The following MMP26 variants were observed in gnomAD, a reference collection of about 807,000 sequenced individuals.
MMP26 encodes matrix metallopeptidase 26.
A neutral mutation model predicts 31.0 loss-of-function variants in MMP26; 33 were observed. The ratio of observed to expected loss-of-function variants is 1.06; its 90% confidence interval spans 0.81 to 1.42. The LOEUF (loss-of-function observed/expected upper bound fraction) is 1.42, where lower values mean the gene tolerates loss of function less well. MMP26 is among the 40% of genes most tolerant of loss of function. The pLI, the probability that MMP26 is intolerant of heterozygous loss-of-function variation, is 0.00. For missense variants in MMP26, 347 were observed against 316.1 expected, an observed-to-expected ratio of 1.10 and a Z score of -0.74; for synonymous variants, 122 against 114.9, an observed-to-expected ratio of 1.06 and a Z score of -0.40.
At chr11:4,964,379 C>T (rs890947197) in intron 2 of MMP26, among the ~76,000 whole-genome samples, 1 of 152,050 alleles carries the variant, frequency 6.6e-6, no homozygotes, top group Non-Finnish European at 1.5e-5. Context: ...ATCCTTTCCC[C>T]ATTGCTTATT....
At chr11:4,928,754 T>C (rs1392785131) in intron 2 of MMP26, among the ~76,000 whole-genome samples, 1 of 152,228 alleles carries the variant, frequency 6.6e-6, no homozygotes, top group African/African-American at 2.4e-5. Flanking sequence ...CAGCTTCATC[T>C]AGCCATGTGG....
intron 2 of MMP26, among the ~76,000 whole-genome samples, chr11:4,977,643 C>G (rs1221071479): frequency 6.6e-6 from 1 of 152,054 alleles, no homozygotes; most frequent in Non-Finnish European, 1.5e-5. Flanking sequence ...CACCAAAAAA[C>G]TTCAGTAATA....
chr11:4,938,863 A>G (rs192702037), intron 2 of MMP26, among the ~76,000 whole-genome samples: 13 of 152,214 alleles, frequency 8.5e-5, no homozygotes, highest in Admixed American at 2.0e-4. Flanking sequence ...AAACCTTTAG[A>G]AAATATGTAG....
At chr11:4,906,584 C>T (rs1850892611) in intron 2 of MMP26, among the ~76,000 whole-genome samples, 1 of 152,090 alleles carries the variant, frequency 6.6e-6, no homozygotes, top group Admixed American at 6.5e-5. Context: ...CATCTAATGA[C>T]TTAATGTTTT....
intron 2 of MMP26, among the ~76,000 whole-genome samples, chr11:4,840,799 C>T (rs994931139): frequency 6.6e-6 from 1 of 152,144 alleles, no homozygotes; most frequent in Non-Finnish European, 1.5e-5. Flanking sequence ...AACATGACCT[C>T]ACCAAATAAA....
At chr11:4,965,343 G>C (rs1846577716) in intron 2 of MMP26, among the ~76,000 whole-genome samples, 1 of 152,126 alleles carries the variant, frequency 6.6e-6, no homozygotes, top group South Asian at 2.1e-4. Flanking sequence ...TTAAATTATA[G>C]ATACCTAAAG....
intron 2 of MMP26, among the ~76,000 whole-genome samples, chr11:4,911,003 G>A (rs548906157): frequency 6.6e-6 from 1 of 152,228 alleles, no homozygotes; most frequent in African/African-American, 2.4e-5. Flanking sequence ...AAACTGTAAT[G>A]TCTCCTGAAA....
At chr11:4,708,258 A>C (rs1372013381) in intron 1 of MMP26, among the ~76,000 whole-genome samples, 1 of 152,182 alleles carries the variant, frequency 6.6e-6, no homozygotes, top group African/African-American at 2.4e-5. Context: ...TCAATTCAAA[A>C]TTTCCAGCCA....
chr11:4,891,352 A>G (rs1330867187), intron 2 of MMP26, among the ~76,000 whole-genome samples: 2 of 152,018 alleles, frequency 1.3e-5, no homozygotes, highest in Non-Finnish European at 2.9e-5. Context: ...TGAGAGGGGG[A>G]AGGGAGGTAC....
chr11:4,853,545 A>G (rs1018324215), intron 2 of MMP26, among the ~76,000 whole-genome samples: 1 of 152,206 alleles, frequency 6.6e-6, no homozygotes, highest in Non-Finnish European at 1.5e-5. Flanking sequence ...TTAGACAATT[A>G]GTTGAAATTT....
intron 2 of MMP26, among the ~76,000 whole-genome samples, chr11:4,978,929 A>G (rs1194623708): frequency 6.6e-6 from 1 of 152,170 alleles, no homozygotes; most frequent in Non-Finnish European, 1.5e-5. Flanking sequence ...AGAATAAGAT[A>G]GAATCTACCA....
At chr11:4,790,211 C>T (rs1406637967) in intron 2 of MMP26, among the ~76,000 whole-genome samples, 4 of 151,944 alleles carry the variant, frequency 2.6e-5, no homozygotes, top group African/African-American at 9.7e-5. Context: ...TGTGGTGGCA[C>T]GTGCCTATAA....
chr11:4,779,011 T>C (rs1848824237), intron 2 of MMP26, among the ~76,000 whole-genome samples: 1 of 152,058 alleles, frequency 6.6e-6, no homozygotes, highest in Non-Finnish European at 1.5e-5. Context: ...ATGCCTCTTG[T>C]TCTTCCTGAT....
chr11:4,771,321 C>T (rs374038282), intron 2 of MMP26, among the ~76,000 whole-genome samples: 9 of 152,156 alleles, frequency 5.9e-5, no homozygotes, highest in African/African-American at 2.2e-4. Context: ...TTTGCACTGA[C>T]ACTAGTAAGT....
intron 2 of MMP26, among the ~76,000 whole-genome samples, chr11:4,965,808 T>C (rs1182009221): frequency 2.0e-5 from 3 of 152,202 alleles, no homozygotes; most frequent in Non-Finnish European, 4.4e-5. Context: ...AGAGGTTCCA[T>C]GGACTTTCTT....
At chr11:4,963,640 C>T (rs1046843460) in intron 2 of MMP26, among the ~76,000 whole-genome samples, 1 of 152,102 alleles carries the variant, frequency 6.6e-6, no homozygotes, top group Non-Finnish European at 1.5e-5. Context: ...TACAGAGGTT[C>T]AATAAGAACC....
At chr11:4,959,066 G>C (rs1846483716) in intron 2 of MMP26, among the ~76,000 whole-genome samples, 1 of 151,840 alleles carries the variant, frequency 6.6e-6, no homozygotes, top group East Asian at 2.0e-4. Context: ...GTGAAACCCA[G>C]TCTCTACTAA....
At chr11:4,781,608 C>T (rs1199952862) in intron 2 of MMP26, among the ~76,000 whole-genome samples, 1 of 107,836 alleles carries the variant, frequency 9.3e-6, no homozygotes, top group Non-Finnish European at 1.9e-5. Context: ...AAAAAAAAAA[C>T]TGATTGCATA....
intron 2 of MMP26, chr11:4,954,943 G>T: frequency 2.4e-6 from 3 of 1,252,548 alleles, no homozygotes; most frequent in East Asian, 2.6e-5. Flanking sequence ...CGGCCAGGTT[G>T]ATGATGGGCA....
Sources: allele counts gnomAD v4.1 joint callset (sites outside exome capture counted in the v4.1 genomes callset), GRCh38; gene constraint gnomAD v4.1.1; transcripts MANE v1.5; gene names NCBI Gene and HGNC (gene_info 2026-07-23, HGNC 2026-07-21).